Variants in PCNP observed in about 807,000 individuals in gnomAD.
The protein encoded by PCNP is PEST proteolytic signal containing nuclear protein.
PCNP carries 6 observed loss-of-function variants against 21.8 expected under a neutral mutation model. The observed-to-expected ratio is 0.28, with a 90% CI of 0.15 to 0.54. PCNP has a LOEUF of 0.54. Among genes scored for constraint, PCNP ranks in the 20% least tolerant of loss-of-function variants. The pLI, the probability that PCNP is intolerant of heterozygous loss-of-function variation, is 0.95. For synonymous variants in PCNP, 67 were observed against 73.2 expected, an observed-to-expected ratio of 0.92 and a Z score of 0.43; for missense variants, 161 against 215.5, an observed-to-expected ratio of 0.75 and a Z score of 1.58.
In PCNP at chr3:101,594,185, G is replaced by A. The variant is rs920265077; in HGVS notation, c.*1432G>A. 5 of 152,566 alleles carry A rather than the reference G, an allele frequency of 3.3e-5. No homozygotes were observed. The highest frequency in any genetic ancestry group is 1.2e-4 in the African/African-American group (5 of 41,444). The allele number at this position is 152,566 out of a possible 1,614,324, so 9.5% of individuals were successfully genotyped here. ...GCATTTAAGTTTAGAATAAGCCCAA[G>A]TAAGACAATGGAAATGTATATAGAA... is the stretch of plus-strand genomic sequence containing the variant. On this transcript the variant is annotated 3_prime_UTR_variant, in exon 5 of 5. Coordinates refer to ENST00000265260, the MANE Select transcript of PCNP (RefSeq NM_020357.3).
intron 1 of PCNP, chr3:101,576,381 CG>C (rs886896589): frequency 1.2e-6 from 1 of 841,436 alleles, no homozygotes; most frequent in African/African-American, 1.7e-5. Flanking sequence ...ACTACAGGCG[CG>C]GGCCACCACG....
chr3:101,587,413 T>C (rs1935585932), intron 3 of PCNP, among the ~76,000 whole-genome samples: 1 of 152,032 alleles, frequency 6.6e-6, no homozygotes, highest in Non-Finnish European at 1.5e-5. Context: ...AGCAGAAAAT[T>C]ACTGTAGTCA....
intron 1 of PCNP, among the ~76,000 whole-genome samples, chr3:101,575,359 T>C (rs1934814273): frequency 6.6e-6 from 1 of 152,152 alleles, no homozygotes. Context: ...ACAAAAATTA[T>C]TGAAAAGATT....
At chr3:101,588,434 ATAATATAACAG>A (rs1935646942) in intron 3 of PCNP, among the ~76,000 whole-genome samples, 1 of 151,998 alleles carries the variant, frequency 6.6e-6, no homozygotes, top group African/African-American at 2.4e-5. Context: ...TCTTTCTCCT[ATAATATAACAG>A]TAATAAAGGA....
intron 2 of PCNP, 36 bp downstream of exon 2, chr3:101,580,040 G>A: frequency 6.9e-7 from 1 of 1,454,332 alleles, no homozygotes; most frequent in South Asian, 1.1e-5. Context: ...TTTGTAATGG[G>A]TCTTAAGGAT....
At chr3:101,585,693 T>A (rs1289253680) in intron 3 of PCNP, among the ~76,000 whole-genome samples, 182 bp downstream of exon 3, 1 of 152,164 alleles carries the variant, frequency 6.6e-6, no homozygotes, top group African/African-American at 2.4e-5. Flanking sequence ...TAAGATTATT[T>A]TAGAGTATTG....
chr3:101,590,238 A>G lies in PCNP; in HGVS notation c.378A>G (p.Pro126=). ...DEDSEPEEMP[P]EAKMRMKNIG... is the part of the protein sequence containing the mutation. ...AGAGTGAACCAGAGGAAATGCCTCCAGAAGCAAAGATGAGGATGAAGAATA... is the reference window on the plus strand; with the variant it reads ...AGAGTGAACCAGAGGAAATGCCTCCGGAAGCAAAGATGAGGATGAAGAATA... The change falls in exon 4 of 5, where the codon CCA becomes CCG. Residue 126 remains proline, a synonymous_variant. Coordinates refer to ENST00000265260, the MANE Select transcript of PCNP (RefSeq NM_020357.3). 1.3e-6 allele frequency: 2 copies of G among 1,569,502 alleles called. No individual in the cohort carries two copies. Among genetic ancestry groups the G allele is most frequent in the Non-Finnish European group, 1.8e-6 (2 of 1,140,272 alleles).
intron 3 of PCNP, 189 bp from the exon 4 acceptor site, chr3:101,590,026 G>T: frequency 1.8e-6 from 1 of 544,876 alleles, no homozygotes; most frequent in African/African-American, 1.9e-5. Context: ...TGCAAAATCA[G>T]CACCGTAGAA....
intron 3 of PCNP, 165 bp from the exon 4 acceptor site, chr3:101,590,050 T>G: frequency 1.7e-6 from 1 of 602,256 alleles, no homozygotes; most frequent in Non-Finnish European, 3.0e-6. Context: ...AGGCATTTAT[T>G]TTTTAAATGT....
chr3:101,579,550 T>G, intron 1 of PCNP: 1 of 648,428 alleles, frequency 1.5e-6, no homozygotes. Flanking sequence ...TTGTGAACTC[T>G]GTGTTTATAA....
At position 101,588,321 on chromosome 3, in the gene PCNP, C is replaced by G. The variant is rs1363324124; in HGVS notation, c.355-1894C>G. Among the ~76,000 whole-genome samples, 3 of 152,126 alleles carry G rather than the reference C, an allele frequency of 2.0e-5. No individual in the cohort carries two copies. The East Asian group carries it at 5.8e-4, about 29-fold the overall frequency. ...AAGTATGCATGAGCACATGCCAGTGCACACACATGTTGTCTTTTAGGTCTT... is the reference window on the plus strand; with the variant it reads ...AAGTATGCATGAGCACATGCCAGTGGACACACATGTTGTCTTTTAGGTCTT... On this transcript the variant is annotated intron_variant, in intron 3 of 4. Transcript: ENST00000265260.
intron 3 of PCNP, among the ~76,000 whole-genome samples, chr3:101,585,928 TG>T (rs1935473547): frequency 6.6e-6 from 1 of 152,152 alleles, no homozygotes; most frequent in Non-Finnish European, 1.5e-5. Context: ...CCTAGCTCTT[TG>T]GGAGGCTGAG....
At chr3:101,587,266 T>A (rs1354761748) in intron 3 of PCNP, among the ~76,000 whole-genome samples, 11 of 141,312 alleles carry the variant, frequency 7.8e-5, no homozygotes, top group East Asian at 2.0e-4. Flanking sequence ...AAAAAAAAAA[T>A]ACTTTTGTAA....
At chr3:101,583,998 A>T (rs529810591) in intron 2 of PCNP, among the ~76,000 whole-genome samples, 3 of 152,126 alleles carry the variant, frequency 2.0e-5, no homozygotes, top group Admixed American at 2.0e-4. Flanking sequence ...CCAGGCAGGT[A>T]ATGCTAAGGA....
At chr3:101,576,510 C>G (rs1934900242) in intron 1 of PCNP, 2 of 1,608,894 alleles carry the variant, frequency 1.2e-6, no homozygotes, top group Non-Finnish European at 1.7e-6. Flanking sequence ...TGGACACACC[C>G]ACGGTGCGGC....
intron 1 of PCNP, 123 bp downstream of exon 1, chr3:101,574,402 T>A: frequency 7.9e-7 from 1 of 1,265,884 alleles, no homozygotes; most frequent in South Asian, 1.6e-5. Context: ...GGCCAGGTGT[T>A]GGGCCCAGAC....
At chr3:101,574,379 C>G (rs1474753419) in intron 1 of PCNP, 100 bp downstream of exon 1, 5 of 1,381,582 alleles carry the variant, frequency 3.6e-6, no homozygotes, top group Non-Finnish European at 4.9e-6. Flanking sequence ...ATGGGCGGAT[C>G]TGGACCTCAC....
chr3:101,587,835 A>G (rs1291271965), intron 3 of PCNP, among the ~76,000 whole-genome samples: 2 of 152,180 alleles, frequency 1.3e-5, no homozygotes, highest in East Asian at 1.9e-4. Context: ...TGCAGGGAAT[A>G]CGTGCAAAAG....
intron 3 of PCNP, chr3:101,589,982 G>A: frequency 2.1e-6 from 1 of 469,856 alleles, no homozygotes; most frequent in Non-Finnish European, 3.8e-6. Flanking sequence ...TTTAGTTCTA[G>A]AATGTTTGTT....
Sources: gnomAD v4.1 joint callset for allele counts (sites outside exome capture counted in the v4.1 genomes callset) on GRCh38, gnomAD v4.1.1 for gene constraint, MANE v1.5 for transcripts, NCBI Gene and HGNC (gene_info 2026-07-23, HGNC 2026-07-21) for gene names.